TGIF2: variants seen among roughly 807,000 people sequenced by gnomAD.
TGIF2 encodes the protein homeobox protein TGIF2.
A neutral mutation model predicts 15.1 loss-of-function variants in TGIF2; 5 were observed. The observed-to-expected ratio is 0.33, with a 90% CI of 0.17 to 0.70. The LOEUF is 0.70. Among genes scored for constraint, TGIF2 ranks in the 30% least tolerant of loss-of-function variants. The pLI, the probability that TGIF2 is intolerant of heterozygous loss-of-function variation, is 0.67. For missense variants in TGIF2, 264 were observed against 302.5 expected (o/e 0.87, Z 0.94); for synonymous variants, 131 against 128.9 (o/e 1.02, Z -0.11).
intron 2 of TGIF2, among the ~76,000 whole-genome samples, chr20:36,586,812 G>T (rs1212004794): frequency 1.3e-5 from 2 of 151,944 alleles, no homozygotes; most frequent in African/African-American, 4.8e-5. Flanking sequence ...TTTGGGAAAG[G>T]CGCCTCAGTG....
chr20:36,590,962 G>C lies in TGIF2; in HGVS notation c.245G>C (p.Arg82Pro). The C allele has an allele frequency of 1.3e-6, 2 of 1,535,460 alleles. No individual in the cohort carries two copies. The highest frequency in any genetic ancestry group is 1.8e-6 in the Non-Finnish European group (2 of 1,137,994). ...ARRRLLPDMLRKDGKDPNQFT... is the reference protein window; with the variant it reads ...ARRRLLPDMLPKDGKDPNQFT... ...CGGCGGCTTCTCCCAGACATGCTTC[G>C]GAAGGATGGCAAAGACCCTAATCAG... The change falls in exon 3 of 3, where the codon CGG (arginine) becomes CCG (proline). Residue 82 changes from arginine to proline, a missense_variant. Transcript: ENST00000373872.
rs756291102 is a variant in TGIF2 at position 36,591,332 on chromosome 20, G to A, written c.615G>A (p.Ala205=). 3.2e-5 allele frequency: 52 copies of A among 1,614,038 alleles called. 1 individual carries two copies. The highest frequency in any genetic ancestry group is 6.7e-5 in the African/African-American group (5 of 74,922). ...FSSFQLLVEV[A]LQRAAEMELQ... ...GCTTCCAGCTGCTGGTGGAGGTGGC[G>A]CTACAGAGGGCTGCTGAGATGGAGC... The change falls in exon 3 of 3, where the codon GCG becomes GCA. Residue 205 remains alanine, a synonymous_variant. Transcript: ENST00000373872. This position sits in a 1 kb window ranked among gnomAD's most constrained non-coding sequence, Gnocchi z 5.3.
At chr20:36,580,022 C>A (rs1398681498) in intron 2 of TGIF2, among the ~76,000 whole-genome samples, 1 of 152,192 alleles carries the variant, frequency 6.6e-6, no homozygotes, top group Non-Finnish European at 1.5e-5. Context: ...TCTCCCCTTC[C>A]TGGAGACACA....
intron 1 of TGIF2, among the ~76,000 whole-genome samples, 195 bp downstream of exon 1, chr20:36,573,940 G>C (rs2038355204): frequency 6.6e-6 from 1 of 151,836 alleles, no homozygotes; most frequent in South Asian, 2.1e-4. Flanking sequence ...GCTGCGCTCC[G>C]GGGGCCGGTG....
In TGIF2 at chr20:36,582,435, C is replaced by G. The variant is rs951757222; in HGVS notation, c.192+3469C>G. Among the ~76,000 whole-genome samples the G allele has an allele frequency of 3.3e-5, 5 of 152,046 alleles. No individual in the cohort carries two copies. The East Asian group carries it at 7.7e-4, about 23-fold the overall frequency. On this transcript the variant is annotated intron_variant, in intron 2 of 2. Coordinates refer to ENST00000373872, the MANE Select transcript of TGIF2 (RefSeq NM_021809.7). ...TTCCAAAGTAGATAAATGTAAAAACCGTGACATTCCACCTGACTGTGTTAA... is the reference window on the plus strand; with the variant it reads ...TTCCAAAGTAGATAAATGTAAAAACGGTGACATTCCACCTGACTGTGTTAA...
chr20:36,590,767 C>T (rs2147941269), intron 2 of TGIF2, 143 bp from the exon 3 acceptor site: 1 of 837,622 alleles, frequency 1.2e-6, no homozygotes, highest in East Asian at 2.7e-5. Context: ...CTGTGTTGCC[C>T]AGGCTGGTCT....
chr20:36,588,099 C>T (rs1018264646), intron 2 of TGIF2, among the ~76,000 whole-genome samples: 1 of 150,894 alleles, frequency 6.6e-6, no homozygotes, highest in Non-Finnish European at 1.5e-5. Flanking sequence ...CACAGCAAAG[C>T]AGTGGAGGCC....
intron 1 of TGIF2, among the ~76,000 whole-genome samples, chr20:36,574,376 C>T (rs1175857563): frequency 1.4e-5 from 2 of 140,956 alleles, no homozygotes; most frequent in African/African-American, 2.6e-5. Context: ...TCCAAGCCTC[C>T]CGCGGGAGAA....
In TGIF2 at chr20:36,591,125, A is replaced by G. The variant is rs569379763; in HGVS notation, c.408A>G (p.Ser136=). 173 of 1,612,626 alleles carry G rather than the reference A, an allele frequency of 1.1e-4. No individual in the cohort carries two copies. The highest frequency in any genetic ancestry group is 1.4e-4 in the Non-Finnish European group (166 of 1,178,932). The change falls in exon 3 of 3, where the codon TCA becomes TCG. Residue 136 remains serine (S), a synonymous_variant. Transcript: ENST00000373872. This position sits in a 1 kb window ranked among gnomAD's most constrained non-coding sequence, Gnocchi z 5.3. The stretch of plus-strand genomic sequence containing the variant: ...CTGTGTGCTCCATGCCGCTTCACTC[A>G]GGCCAGGGGGAAAAGCCAGCAGCCC... ...SLSVCSMPLH[S]GQGEKPAAPF... is the part of the protein sequence containing the mutation.
chr20:36,575,858 C>T lies in TGIF2; in HGVS notation c.-35+2113C>T, dbSNP rs1025090263. Among the ~76,000 whole-genome samples the T allele has an allele frequency of 5.3e-5, 8 of 151,878 alleles. No individual in the cohort carries two copies. In the South Asian group the frequency reaches 1.2e-3, roughly 24 times the overall value. On this transcript the variant is annotated intron_variant, in intron 1 of 2. Coordinates refer to ENST00000373872, the MANE Select transcript of TGIF2 (RefSeq NM_021809.7). ...CTGTAATCCCAGATCTTTGGGAGGCCGAGGCGGGCAGATCACCTGAGGTCA... is the reference window on the plus strand; with the variant it reads ...CTGTAATCCCAGATCTTTGGGAGGCTGAGGCGGGCAGATCACCTGAGGTCA...
Position 36,592,123 on chromosome 20 carries a change from A to G in TGIF2, c.*692A>G, listed in dbSNP as rs1174598907. 2 of 152,270 alleles carry G rather than the reference A, an allele frequency of 1.3e-5. No homozygotes were observed. Among genetic ancestry groups the G allele is most frequent in the East Asian group, 1.9e-4 (1 of 5,154 alleles). 9.4% of individuals were successfully genotyped at this position (152,270 alleles called of 1,614,324 possible). ...GTCTCTGCAGTAGTGTGAAATTCCA[A>G]ATGGTTGTTTTATCATTGGTTTGGT... On this transcript the variant is annotated 3_prime_UTR_variant, in exon 3 of 3. Transcript: ENST00000373872.
chr20:36,574,154 G>A (rs1366999862), intron 1 of TGIF2, among the ~76,000 whole-genome samples: 1 of 149,496 alleles, frequency 6.7e-6, no homozygotes, highest in South Asian at 2.1e-4. Context: ...GGGGGCGGCC[G>A]AGAGTGACAG....
intron 2 of TGIF2, among the ~76,000 whole-genome samples, chr20:36,590,500 CTA>C (rs1196490957): frequency 3.3e-5 from 5 of 152,220 alleles, no homozygotes; most frequent in African/African-American, 1.2e-4. Flanking sequence ...TGTCTTCCCA[CTA>C]TGAACCTCTG....
intron 1 of TGIF2, among the ~76,000 whole-genome samples, chr20:36,575,930 T>TA (rs113595117): frequency 0.024 from 3,473 of 142,340 alleles, 40 homozygotes; most frequent in Non-Finnish European, 0.029. Context: ...CTGTCTCTAC[T>TA]AAAAAAAAAA....
At chr20:36,578,671 G>GCT in intron 1 of TGIF2, 70 bp from the exon 2 acceptor site, 1 of 1,467,598 alleles carries the variant, frequency 6.8e-7, no homozygotes, top group Non-Finnish European at 9.1e-7. Flanking sequence ...GTAATGCTGA[G>GCT]CATGTTTGGA....
chr20:36,590,898 T>C lies in TGIF2; in HGVS notation c.193-12T>C. 6.6e-7 allele frequency: 1 copy of C among 1,513,722 alleles called. No homozygotes were observed. The highest frequency in any genetic ancestry group is 8.9e-7 in the Non-Finnish European group (1 of 1,129,408). 93.8% of individuals were successfully genotyped at this position (1,513,722 alleles called of 1,614,324 possible). A position where few individuals can be genotyped will look rare whatever the true frequency, so the allele number is the denominator to read the frequency against. ...ATTAAGCAAATTGATCGGTCTTGTA[T>C]ATTCATTCCAGATATGTAACTGGTT... On this transcript the variant is annotated splice_polypyrimidine_tract_variant and intron_variant, in intron 2 of 2. Coordinates refer to ENST00000373872, the MANE Select transcript of TGIF2 (RefSeq NM_021809.7).
rs1044011954 is a variant in TGIF2 at position 36,591,643 on chromosome 20, C to G, written c.*212C>G. 7.5e-6 allele frequency: 4 copies of G among 533,040 alleles called. No homozygotes were observed. The highest frequency in any genetic ancestry group is 3.3e-5 in the Admixed American group (1 of 30,608). The allele number at this position is 533,040 out of a possible 1,614,324, so 33.0% of individuals were successfully genotyped here. A position where few individuals can be genotyped will look rare whatever the true frequency, so the allele number is the denominator to read the frequency against. On this transcript the variant is annotated 3_prime_UTR_variant, in exon 3 of 3. Coordinates refer to ENST00000373872, the MANE Select transcript of TGIF2 (RefSeq NM_021809.7). The surrounding 1 kb of genome is among the most constrained non-coding windows in gnomAD (Gnocchi z 5.3). ...CTGACTCTGCCGTTTCTCCAGGCCT[C>G]CGCTCAGTGATGAGACCAAGAGATC...
chr20:36,585,387 C>T (rs190411927), intron 2 of TGIF2, among the ~76,000 whole-genome samples: 3 of 145,252 alleles, frequency 2.1e-5, no homozygotes, highest in Admixed American at 7.1e-5. Flanking sequence ...CACTTGAACC[C>T]GGGGGTGGTG....
chr20:36,579,908 C>T (rs974656805), intron 2 of TGIF2, among the ~76,000 whole-genome samples: 1 of 152,146 alleles, frequency 6.6e-6, no homozygotes, highest in Non-Finnish European at 1.5e-5. Flanking sequence ...AAGTACTGTC[C>T]CCTTTGAATC....
Sources: gnomAD v4.1 joint callset for allele counts (sites outside exome capture counted in the v4.1 genomes callset) on GRCh38, gnomAD v4.1.1 for gene constraint, Gnocchi (gnomAD v3.1) non-coding constraint, MANE v1.5 for transcripts, NCBI Gene and HGNC (gene_info 2026-07-23, HGNC 2026-07-21) for gene names.